CD99: variants seen among roughly 807,000 people sequenced by gnomAD.
The protein encoded by CD99 is CD99 antigen.
CD99 carries 19 observed loss-of-function variants against 28.4 expected under a neutral mutation model. The observed-to-expected ratio is 0.67, with a 90% confidence interval of 0.47 to 0.98. The LOEUF (loss-of-function observed/expected upper bound fraction) is 0.98. Among genes scored for constraint, CD99 ranks in the 50% least tolerant of loss-of-function variants. The pLI, the probability that CD99 is intolerant of heterozygous loss-of-function variation, is 0.00. For synonymous variants in CD99, 103 were observed against 92.1 expected, an observed-to-expected ratio of 1.12 and a Z score of -0.67; for missense variants, 283 against 248.8, an observed-to-expected ratio of 1.14 and a Z score of -0.92.
chrX:2,735,617 G>A (rs1448961656), intron 8 of CD99, among the ~76,000 whole-genome samples: 1 of 152,186 alleles, frequency 6.6e-6, no homozygotes, highest in Non-Finnish European at 1.5e-5. Context: ...GGGAGAGGGA[G>A]AAATTATTTG....
rs185228313 is a variant in CD99, at chrX:2,732,135, C to A, written c.475+5762C>A. Among the ~76,000 whole-genome samples, 998 of 152,126 alleles carry A rather than the reference C, an allele frequency of 6.6e-3. 11 individuals carry two copies. Among genetic ancestry groups the A allele is most frequent in the African/African-American group, 0.023 (958 of 41,508 alleles). Reference sequence around the variant, plus strand: ...TTCCTACAGATTTGAGTTTGTGGTGCTTGGGCTTCTCCTGGTTTTTGTCCA... The same window carrying A: ...TTCCTACAGATTTGAGTTTGTGGTGATTGGGCTTCTCCTGGTTTTTGTCCA... On this transcript the variant is annotated intron_variant, in intron 8 of 9. Coordinates refer to ENST00000381192, the MANE Select transcript of CD99 (RefSeq NM_002414.5).
chrX:2,706,558 C>A (rs2048126902), intron 1 of CD99, among the ~76,000 whole-genome samples: 1 of 151,988 alleles, frequency 6.6e-6, no homozygotes. Flanking sequence ...CTGGAGTGGC[C>A]AGCAGCAGGT....
At chrX:2,717,273 A>G in intron 2 of CD99, 1 of 240,390 alleles carries the variant, frequency 4.2e-6, no homozygotes, top group Non-Finnish European at 8.0e-6. Flanking sequence ...GCTTGAACCC[A>G]GGAGGCAGAG....
At chrX:2,720,270 T>G in intron 4 of CD99, 86 bp from the exon 5 acceptor site, 1 of 1,233,324 alleles carries the variant, frequency 8.1e-7, no homozygotes, top group Non-Finnish European at 1.2e-6. Flanking sequence ...CAATTTCTGT[T>G]CAGGGAACCA....
intron 1 of CD99, among the ~76,000 whole-genome samples, chrX:2,700,870 TATCC>T (rs1314872046): frequency 1.3e-5 from 2 of 150,808 alleles, no homozygotes; most frequent in Non-Finnish European, 3.0e-5. Context: ...TCCATTCATC[TATCC>T]ATCCATCCAC....
At chrX:2,717,953 TTTTTTGA>T in intron 3 of CD99, 6 of 365,158 alleles carry the variant, frequency 1.6e-5, no homozygotes, top group Non-Finnish European at 3.0e-5. Flanking sequence ...TTTTTTTTTT[TTTTTTGA>T]GATGGCGTTT....
intron 2 of CD99, among the ~76,000 whole-genome samples, chrX:2,715,943 A>G (rs2048686741): frequency 1.3e-5 from 2 of 152,126 alleles, no homozygotes; most frequent in Non-Finnish European, 2.9e-5. Context: ...GTTTCCAAGT[A>G]AGATCACCTA....
chrX:2,725,329 T>TG (rs1483340511), intron 7 of CD99, among the ~76,000 whole-genome samples: 1 of 151,374 alleles, frequency 6.6e-6, no homozygotes, highest in African/African-American at 2.4e-5. Context: ...GCCCAGGAGT[T>TG]TGAGATTGCA....
rs377204965 is a variant in CD99, at chrX:2,701,730, G to T, written c.67+10303G>T. On this transcript the variant is annotated intron_variant, in intron 1 of 9. Transcript: ENST00000381192. ...GTGCAGATTTAAGCTCCCCTGAAGG[G>T]TTTGACGCAGACAGCTGTGCGGGGA... 4.6e-5 allele frequency among the ~76,000 whole-genome samples: 7 copies of T among 152,366 alleles called. No individual in the cohort carries two copies. In the East Asian group the frequency reaches 1.2e-3, roughly 25 times the overall value.
intron 2 of CD99, chrX:2,715,012 T>C (rs1433787359): frequency 6.5e-6 from 1 of 152,940 alleles, no homozygotes; most frequent in East Asian, 1.9e-4. Flanking sequence ...GGGAGGGGTC[T>C]AGAGGAGGTG....
intron 2 of CD99, chrX:2,717,276 A>G: frequency 4.1e-6 from 1 of 246,260 alleles, no homozygotes; most frequent in Non-Finnish European, 7.8e-6. Context: ...TGAACCCAGG[A>G]GGCAGAGGTT....
intron 3 of CD99, among the ~76,000 whole-genome samples, chrX:2,718,399 C>T (rs1348472129): frequency 2.7e-5 from 4 of 146,310 alleles, no homozygotes; most frequent in African/African-American, 1.0e-4. Flanking sequence ...GACGGAGTCT[C>T]GCTCTGTCGC....
intron 2 of CD99, among the ~76,000 whole-genome samples, chrX:2,716,541 G>C (rs1468845687): frequency 1.3e-5 from 2 of 152,060 alleles, no homozygotes; most frequent in Admixed American, 6.5e-5. Context: ...GCTCAGATTG[G>C]AGTGCCACGG....
chrX:2,706,125 C>T (rs188582401), intron 1 of CD99, among the ~76,000 whole-genome samples: 41 of 151,098 alleles, frequency 2.7e-4, no homozygotes, highest in South Asian at 2.1e-4. Flanking sequence ...TTTGGGAGGC[C>T]GAGGCGGGCG....
In CD99 at chrX:2,717,622, C is replaced by T; in HGVS notation, c.118C>T (p.Pro40Ser). ...CTCTTTAGACAATGAAAACAAGAAA[C>T]CCACTGCAATCCCCAAGAAACCCAG... The part of the protein sequence containing the change: ...DALPDNENKK[P>S]TAIPKKPSAG... Residue 40 changes from proline to serine, a missense_variant, in exon 3 of 10, where the codon CCC becomes TCC. By Grantham distance (74) the Pro-to-Ser change is moderately conservative. Coordinates refer to ENST00000381192, the MANE Select transcript of CD99 (RefSeq NM_002414.5). 6.2e-7 allele frequency: 1 copy of T among 1,613,710 alleles called. No individual in the cohort carries two copies. Among genetic ancestry groups the T allele is most frequent in the Non-Finnish European group, 8.5e-7 (1 of 1,179,668 alleles).
intron 1 of CD99, among the ~76,000 whole-genome samples, chrX:2,703,177 G>C (rs997579344): frequency 2.6e-5 from 4 of 152,198 alleles, no homozygotes; most frequent in African/African-American, 7.2e-5. Context: ...ACTGTCAACA[G>C]GGTTCTTTGC....
intron 1 of CD99, among the ~76,000 whole-genome samples, chrX:2,711,562 C>T (rs2124536376): frequency 6.6e-6 from 1 of 151,970 alleles, no homozygotes; most frequent in South Asian, 2.1e-4. Context: ...AATGGAAGAG[C>T]CCATCAAGGG....
chrX:2,692,231 A>G, intron 1 of CD99: 2 of 379,234 alleles, frequency 5.3e-6, no homozygotes, highest in Non-Finnish European at 9.5e-6. Context: ...GGTATGTTAT[A>G]AATTCTTTTT....
intron 1 of CD99, among the ~76,000 whole-genome samples, chrX:2,704,606 C>T (rs311048): frequency 0.6 from 91,266 of 151,226 alleles, 27,968 homozygotes; most frequent in African/African-American, 0.72. Flanking sequence ...GCTAATTTAG[C>T]AGAGATGGGG....
Sources: gnomAD v4.1 joint callset for allele counts (sites outside exome capture counted in the v4.1 genomes callset) on GRCh38, gnomAD v4.1.1 for gene constraint, MANE v1.5 for transcripts, NCBI Gene and HGNC (gene_info 2026-07-23, HGNC 2026-07-21) for gene names.